Variants in PPFIA2 observed in about 807,000 individuals in gnomAD.
The protein encoded by PPFIA2 is liprin-alpha-2.
A neutral mutation model predicts 175.5 loss-of-function variants in PPFIA2; 46 were observed. That is an observed-to-expected ratio of 0.26 (90% CI 0.21 to 0.34). The LOEUF (loss-of-function observed/expected upper bound fraction) is 0.34, where lower values mean the gene tolerates loss of function less well. PPFIA2 is among the 10% of genes least tolerant of loss of function. PPFIA2 has a pLI of 1.00. For synonymous variants in PPFIA2, 568 were observed against 511.4 expected (o/e 1.11, Z -1.49); for missense variants, 1,179 against 1,506.1 (o/e 0.78, Z 3.60).
At chr12:81,529,852 G>A (rs539265313) in intron 4 of PPFIA2, among the ~76,000 whole-genome samples, 2 of 151,906 alleles carry the variant, frequency 1.3e-5, no homozygotes, top group South Asian at 4.1e-4. Context: ...AGAGGATAAA[G>A]AAAAATAACT....
At chr12:81,484,036 G>A (rs564835306) in intron 4 of PPFIA2, among the ~76,000 whole-genome samples, 1 of 151,888 alleles carries the variant, frequency 6.6e-6, no homozygotes, top group South Asian at 2.1e-4. Context: ...CACTGATGGT[G>A]CTGTATTCTT....
At chr12:81,684,605 C>T (rs1178124266) in intron 3 of PPFIA2, among the ~76,000 whole-genome samples, 3 of 152,098 alleles carry the variant, frequency 2.0e-5, no homozygotes, top group Non-Finnish European at 4.4e-5. Flanking sequence ...GAAAGCATGG[C>T]TGAAAGCAAT....
chr12:81,716,622 G>A (rs970925689), intron 3 of PPFIA2, among the ~76,000 whole-genome samples: 2 of 151,046 alleles, frequency 1.3e-5, no homozygotes, highest in Non-Finnish European at 3.0e-5. Flanking sequence ...TGGAAAACAC[G>A]AAAGCAAAAA....
At chr12:81,351,234 T>A (rs950518280) in intron 17 of PPFIA2, among the ~76,000 whole-genome samples, 9 of 152,146 alleles carry the variant, frequency 5.9e-5, no homozygotes, top group Admixed American at 5.2e-4. Context: ...ATAGTTCATA[T>A]CACCATATGT....
At chr12:81,737,715 A>G (rs1233941637) in intron 3 of PPFIA2, among the ~76,000 whole-genome samples, 1 of 152,056 alleles carries the variant, frequency 6.6e-6, no homozygotes, top group Non-Finnish European at 1.5e-5. Flanking sequence ...TAAAGATAGT[A>G]ATCACAACAA....
chr12:81,565,786 C>T (rs1157709424), intron 4 of PPFIA2, among the ~76,000 whole-genome samples: 3 of 152,158 alleles, frequency 2.0e-5, no homozygotes, highest in African/African-American at 4.8e-5. Context: ...CTAGAAACAG[C>T]TTTCATATCT....
In PPFIA2 at chr12:81,644,623, A is replaced by G. The variant is rs1394789038; in HGVS notation, c.303+32168T>C. The stretch of plus-strand genomic sequence containing the variant: ...GTGCTTTCTTTCTATACTAATTTAA[A>G]ATAAATAAACTGTCAGTAATTTAAA... On this transcript the variant is annotated intron_variant, in intron 4 of 32. Transcript: ENST00000549396. 3.3e-5 allele frequency among the ~76,000 whole-genome samples: 5 copies of G among 152,112 alleles called. No homozygotes were observed. In the South Asian group the frequency reaches 8.3e-4, roughly 25 times the overall value.
chr12:81,293,053 G>T (rs2045466095), intron 24 of PPFIA2, among the ~76,000 whole-genome samples: 1 of 151,816 alleles, frequency 6.6e-6, no homozygotes, highest in Admixed American at 6.6e-5. Context: ...TTAAGATCAT[G>T]TATAAAAAAG....
intron 8 of PPFIA2, 119 bp downstream of exon 8, chr12:81,405,668 C>G (rs1374547453): frequency 1.7e-6 from 1 of 603,150 alleles, no homozygotes; most frequent in Non-Finnish European, 2.9e-6. Flanking sequence ...AAACCTTGAA[C>G]CTTTGACCAA....
At chr12:81,687,440 A>C (rs143633422) in intron 3 of PPFIA2, 1 of 152,118 alleles carries the variant, frequency 6.6e-6, no homozygotes, top group African/African-American at 2.4e-5. Context: ...CATCCTTTGA[A>C]ACTCAGTCTA....
At chr12:81,266,576 A>G (rs537284924) in intron 30 of PPFIA2, among the ~76,000 whole-genome samples, 1 of 152,268 alleles carries the variant, frequency 6.6e-6, no homozygotes, top group Non-Finnish European at 1.5e-5. Flanking sequence ...TTTCCTGGCA[A>G]GATATACTGA....
chr12:81,353,765 A>G (rs1034998700), intron 16 of PPFIA2, among the ~76,000 whole-genome samples: 1 of 152,214 alleles, frequency 6.6e-6, no homozygotes, highest in African/African-American at 2.4e-5. Context: ...CACATAAGAA[A>G]TTACACAGGA....
intron 19 of PPFIA2, among the ~76,000 whole-genome samples, chr12:81,343,809 A>AT (rs1016119778): frequency 6.6e-6 from 1 of 151,988 alleles, no homozygotes; most frequent in African/African-American, 2.4e-5. Context: ...TTTCGAACAT[A>AT]TTTTTTTATT....
At chr12:81,493,592 C>T (rs1207308939) in intron 4 of PPFIA2, among the ~76,000 whole-genome samples, 1 of 151,460 alleles carries the variant, frequency 6.6e-6, no homozygotes, top group Non-Finnish European at 1.5e-5. Context: ...AGATAGGGGG[C>T]AACAGCCTGG....
chr12:81,628,622 A>C (rs192752651), intron 4 of PPFIA2, among the ~76,000 whole-genome samples: 1 of 152,192 alleles, frequency 6.6e-6, no homozygotes, highest in African/African-American at 2.4e-5. Flanking sequence ...CAAGTGTTCC[A>C]TTTGTCTTGG....
chr12:81,396,154 A>G (rs2041095347), intron 8 of PPFIA2, among the ~76,000 whole-genome samples: 1 of 152,042 alleles, frequency 6.6e-6, no homozygotes, highest in South Asian at 2.1e-4. Context: ...TATAAAGTTA[A>G]TCATTAAAAC....
At chr12:81,567,178 G>A (rs1473952113) in intron 4 of PPFIA2, among the ~76,000 whole-genome samples, 2 of 152,122 alleles carry the variant, frequency 1.3e-5, no homozygotes, top group Non-Finnish European at 2.9e-5. Flanking sequence ...CTCCCGAGTA[G>A]CTGGGACCAC....
intron 4 of PPFIA2, among the ~76,000 whole-genome samples, chr12:81,640,081 C>A (rs2064752886): frequency 6.6e-6 from 1 of 152,056 alleles, no homozygotes; most frequent in South Asian, 2.1e-4. Flanking sequence ...TATTTAATGA[C>A]CCTCAAATAT....
chr12:81,277,412 G>GT lies in PPFIA2; in HGVS notation c.3214dup (p.Thr1072AsnfsTer16). On this transcript the variant is annotated frameshift_variant and splice_region_variant, in exon 28 of 33. Transcript: ENST00000549396. LOFTEE classifies it high-confidence loss of function. ...GCACATAATTCCATATTGTAAACTT[G>GT]TTCTTTTTTTTTTATTAAAAAAAAA... 7.0e-7 allele frequency: 1 copy of GT among 1,432,066 alleles called. No homozygotes were observed. 88.7% of individuals were successfully genotyped at this position (1,432,066 alleles called of 1,614,324 possible). A position where few individuals can be genotyped will look rare whatever the true frequency, so the allele number is the denominator to read the frequency against.
Sources: gnomAD v4.1 joint callset for allele counts (sites outside exome capture counted in the v4.1 genomes callset) on GRCh38, gnomAD v4.1.1 for gene constraint, MANE v1.5 for transcripts, NCBI Gene and HGNC (gene_info 2026-07-23, HGNC 2026-07-21) for gene names.